The following GLIS3 variants were observed in gnomAD, a reference collection of about 807,000 sequenced individuals.
The protein encoded by GLIS3 is GLIS family zinc finger 3, also known as zinc finger protein GLIS3.
GLIS3 carries 53 observed loss-of-function variants against 78.6 expected under a neutral mutation model. That is an observed-to-expected ratio of 0.67 (90% CI 0.54 to 0.85). GLIS3 has a LOEUF of 0.85. Ranked by LOEUF, GLIS3 falls within the 40% of genes least tolerant of loss-of-function variation. The pLI, the probability that GLIS3 is intolerant of heterozygous loss-of-function variation, is 0.00. For missense variants in GLIS3, 1,703 were observed against 1,231.1 expected (o/e 1.38, Z -5.74); for synonymous variants, 684 against 509.9 (o/e 1.34, Z -4.60).
chr9:3,879,881 C>T (rs1012233648), intron 7 of GLIS3, among the ~76,000 whole-genome samples: 2 of 152,058 alleles, frequency 1.3e-5, no homozygotes, highest in African/African-American at 2.4e-5. Flanking sequence ...TATAATTAGT[C>T]AGTCTTGTAC....
the GLIS3 span, among the ~76,000 whole-genome samples, chr9:4,393,533 G>T: frequency 6.6e-6 from 1 of 152,014 alleles, no homozygotes; most frequent in Admixed American, 6.6e-5. Context: ...ATCTAATCCC[G>T]TATCGCATTA....
intron 2 of GLIS3, among the ~76,000 whole-genome samples, chr9:4,320,979 G>T (rs73386237): frequency 1.3e-5 from 2 of 151,720 alleles, no homozygotes; most frequent in South Asian, 4.1e-4. Context: ...TACAAAGAAC[G>T]TTGCTTGAGA....
At chr9:4,168,642 C>T (rs1034756163) in intron 2 of GLIS3, among the ~76,000 whole-genome samples, 1 of 152,188 alleles carries the variant, frequency 6.6e-6, no homozygotes, top group African/African-American at 2.4e-5. Context: ...AATAAGCCAA[C>T]ATTTTTACTT....
chr9:4,231,091 A>G (rs1009262600), intron 2 of GLIS3, among the ~76,000 whole-genome samples: 21 of 89,192 alleles, frequency 2.4e-4, no homozygotes, highest in African/African-American at 9.6e-4. Flanking sequence ...AAAATAAAAT[A>G]AGATAAATAT....
chr9:4,351,832 G>A (rs527934042), upstream of GLIS3, among the ~76,000 whole-genome samples: 5 of 151,908 alleles, frequency 3.3e-5, no homozygotes, highest in South Asian at 1.0e-3. Context: ...GCACAAAGAA[G>A]TCATTTTCAG....
At chr9:4,409,390 G>C in the GLIS3 span, among the ~76,000 whole-genome samples, 6 of 152,102 alleles carry the variant, frequency 3.9e-5, no homozygotes, top group African/African-American at 7.2e-5. Flanking sequence ...TAGGGATGTA[G>C]ATATTACTAT....
the GLIS3 span, among the ~76,000 whole-genome samples, chr9:4,411,613 G>A: frequency 2.0e-5 from 3 of 152,062 alleles, no homozygotes; most frequent in Non-Finnish European, 4.4e-5. Flanking sequence ...TCTTCCATTT[G>A]ACCTAATTTT....
chr9:4,011,042 G>A (rs532418194), intron 4 of GLIS3, among the ~76,000 whole-genome samples: 2 of 152,278 alleles, frequency 1.3e-5, no homozygotes, highest in African/African-American at 4.8e-5. Flanking sequence ...AGCGGGGAGT[G>A]GAGGTAGATG....
the GLIS3 span, among the ~76,000 whole-genome samples, chr9:4,422,005 A>T: frequency 3.3e-5 from 5 of 152,350 alleles, no homozygotes; most frequent in East Asian, 7.7e-4. Flanking sequence ...GCAGTAAAAA[A>T]GGTCCTGTGC....
intron 4 of GLIS3, among the ~76,000 whole-genome samples, chr9:4,088,664 G>A (rs975399511): frequency 1.3e-5 from 2 of 152,198 alleles, no homozygotes; most frequent in East Asian, 3.8e-4. Flanking sequence ...TATTCCTAAT[G>A]CCAGAGAGTA....
chr9:4,159,176 G>A (rs544848879), intron 2 of GLIS3, among the ~76,000 whole-genome samples: 31 of 152,204 alleles, frequency 2.0e-4, no homozygotes, highest in South Asian at 8.3e-4. Context: ...ACTTGAATTT[G>A]CATCACTAGT....
At chr9:4,085,287 A>G (rs968954292) in intron 4 of GLIS3, among the ~76,000 whole-genome samples, 4 of 150,708 alleles carry the variant, frequency 2.7e-5, no homozygotes, top group African/African-American at 7.3e-5. Context: ...TCTTTCCTCC[A>G]TTTAAGCATT....
intron 4 of GLIS3, among the ~76,000 whole-genome samples, chr9:3,976,791 C>A (rs1378640247): frequency 3.7e-5 from 2 of 54,054 alleles, no homozygotes; most frequent in South Asian, 7.5e-4. Context: ...AAATCCTCCC[C>A]CTGCAAAAAA....
intron 4 of GLIS3, among the ~76,000 whole-genome samples, chr9:3,974,968 G>C (rs1028599779): frequency 6.6e-6 from 1 of 152,096 alleles, no homozygotes; most frequent in Non-Finnish European, 1.5e-5. Context: ...GGCACATGGA[G>C]GATGTGTGGG....
At chr9:4,188,759 T>A (rs1818041380) in intron 2 of GLIS3, among the ~76,000 whole-genome samples, 1 of 152,240 alleles carries the variant, frequency 6.6e-6, no homozygotes, top group African/African-American at 2.4e-5. Flanking sequence ...ATCCATTTCT[T>A]CTAGATTTTC....
intron 4 of GLIS3, among the ~76,000 whole-genome samples, chr9:3,957,381 G>C (rs1002281663): frequency 2.6e-5 from 4 of 152,202 alleles, no homozygotes; most frequent in African/African-American, 9.6e-5. Context: ...GATTTTAAAA[G>C]TTGCTATTGA....
intron 2 of GLIS3, among the ~76,000 whole-genome samples, chr9:4,344,887 C>G (rs992134058): frequency 2.6e-5 from 4 of 152,186 alleles, no homozygotes; most frequent in Admixed American, 1.3e-4. Context: ...CTTACTGGCT[C>G]TACCTTCAAA....
intron 2 of GLIS3, among the ~76,000 whole-genome samples, chr9:4,284,036 G>T (rs1827779351): frequency 6.6e-6 from 1 of 152,208 alleles, no homozygotes; most frequent in African/African-American, 2.4e-5. Context: ...TCAACCCTGA[G>T]AATTCACTAG....
chr9:3,987,397 A>C (rs1271549585), intron 4 of GLIS3, among the ~76,000 whole-genome samples: 1 of 152,086 alleles, frequency 6.6e-6, no homozygotes, highest in African/African-American at 2.4e-5. Context: ...AGTAGAACCG[A>C]AAGAGTATAT....
Sources: allele counts gnomAD v4.1 joint callset (sites outside exome capture counted in the v4.1 genomes callset), GRCh38; gene constraint gnomAD v4.1.1; transcripts MANE v1.5; gene names NCBI Gene and HGNC (gene_info 2026-07-23, HGNC 2026-07-21).